PRKCA: variants seen among roughly 807,000 people sequenced by gnomAD.
PRKCA encodes protein kinase C alpha, also known as protein kinase C alpha type.
PRKCA carries 27 observed loss-of-function variants against 87.0 expected under a neutral mutation model. The ratio of observed to expected loss-of-function variants is 0.31; its 90% CI spans 0.23 to 0.43. The LOEUF (loss-of-function observed/expected upper bound fraction) is 0.43. Among genes scored for constraint, PRKCA ranks in the 20% least tolerant of loss-of-function variants. The probability of loss-of-function intolerance (pLI) is 1.00; values close to 1 mark genes in which losing one functional copy is unlikely to be tolerated. For synonymous variants in PRKCA, 329 were observed against 311.1 expected, an observed-to-expected ratio of 1.06 and a Z score of -0.61; for missense variants, 518 against 852.3, an observed-to-expected ratio of 0.61 and a Z score of 4.88.
chr17:66,421,863 CT>C (rs1288601805), intron 2 of PRKCA, among the ~76,000 whole-genome samples: 2 of 151,976 alleles, frequency 1.3e-5, no homozygotes, highest in African/African-American at 4.8e-5. Flanking sequence ...TTTTTCTCTA[CT>C]TTTTCCTTTT....
At position 66,645,455 on chromosome 17, in the gene PRKCA, A is replaced by G. The variant is rs1382662679; in HGVS notation, c.473A>G (p.Lys158Arg). ...CTCTGCGGAATGGATCACACTGAGAAGAGGGGGCGGATTTACCTAAAGGCT... is the reference window on the plus strand; with the variant it reads ...CTCTGCGGAATGGATCACACTGAGAGGAGGGGGCGGATTTACCTAAAGGCT... Reference protein sequence around the residue: ...PSLCGMDHTEKRGRIYLKAEV... With the variant: ...PSLCGMDHTERRGRIYLKAEV... The change falls in exon 5 of 17, where the codon AAG becomes AGG. Residue 158 changes from lysine to arginine, a missense_variant. By Grantham distance (26) the Lys-to-Arg change is conservative (BLOSUM62 2). This residue lies in a region of PRKCA where 300 missense variants were observed against 496.8 expected (regional missense o/e 0.60). Coordinates refer to ENST00000413366, the MANE Select transcript of PRKCA (RefSeq NM_002737.3). 6.8e-6 allele frequency: 11 copies of G among 1,614,088 alleles called. No individual in the cohort carries two copies. The highest frequency in any genetic ancestry group is 9.3e-6 in the Non-Finnish European group (11 of 1,180,038).
In PRKCA at chr17:66,482,968, A is replaced by T. The variant is rs1915847512; in HGVS notation, c.206-13233A>T. On this transcript the variant is annotated intron_variant, in intron 2 of 16. Coordinates refer to ENST00000413366, the MANE Select transcript of PRKCA (RefSeq NM_002737.3). ...TTCTCCCCGTGGAAGTATTCACAGG[A>T]CCCTAATTCATTAGTTTGGTAATAG... 1.3e-5 allele frequency among the ~76,000 whole-genome samples: 2 copies of T among 152,200 alleles called. 1 individual carries two copies. The highest frequency in any genetic ancestry group is 4.1e-4 in the South Asian group (2 of 4,820).
chr17:66,355,312 G>A (rs747773064), intron 2 of PRKCA, among the ~76,000 whole-genome samples: 9 of 152,160 alleles, frequency 5.9e-5, no homozygotes, highest in Admixed American at 1.3e-4. Context: ...CTGATGAAAG[G>A]GAGGTGGTGA....
At chr17:66,474,621 A>C (rs576175676) in intron 2 of PRKCA, among the ~76,000 whole-genome samples, 18 of 152,332 alleles carry the variant, frequency 1.2e-4, no homozygotes, top group African/African-American at 4.1e-4. Context: ...CAGATATTGC[A>C]CTTGCCTGAA....
chr17:66,539,768 G>A (rs549010103), intron 3 of PRKCA, among the ~76,000 whole-genome samples: 30 of 152,242 alleles, frequency 2.0e-4, no homozygotes, highest in African/African-American at 6.3e-4. Context: ...AAACCTCATC[G>A]TACCCAGAGA....
intron 1 of PRKCA, among the ~76,000 whole-genome samples, chr17:66,304,588 G>A (rs1345510519): frequency 1.3e-5 from 2 of 152,192 alleles, no homozygotes; most frequent in Admixed American, 1.3e-4. Flanking sequence ...CCACTAGGGT[G>A]AGCATAGTAT....
intron 13 of PRKCA, among the ~76,000 whole-genome samples, chr17:66,756,230 C>G (rs574311559): frequency 6.6e-6 from 1 of 152,184 alleles, no homozygotes; most frequent in Non-Finnish European, 1.5e-5. Flanking sequence ...ACAAGGGCTT[C>G]CCTCAGGAGA....
chr17:66,775,191 A>G (rs939186730), intron 14 of PRKCA: 25 of 952,248 alleles, frequency 2.6e-5, no homozygotes, highest in Non-Finnish European at 3.0e-5. Flanking sequence ...CCCACATAGG[A>G]CACTTCCGTG....
At chr17:66,314,885 G>C (rs1432349231) in intron 2 of PRKCA, among the ~76,000 whole-genome samples, 1 of 151,348 alleles carries the variant, frequency 6.6e-6, no homozygotes, top group African/African-American at 2.4e-5. Flanking sequence ...ATGTGTGTGT[G>C]TGTGTGTGTG....
intron 16 of PRKCA, chr17:66,796,514 C>T: frequency 1.1e-5 from 11 of 985,298 alleles, no homozygotes; most frequent in Non-Finnish European, 1.3e-5. Flanking sequence ...GTTTCCAGAA[C>T]CTTGGGTGAC....
At chr17:66,557,598 A>G (rs1968539164) in intron 3 of PRKCA, among the ~76,000 whole-genome samples, 1 of 152,174 alleles carries the variant, frequency 6.6e-6, no homozygotes, top group Non-Finnish European at 1.5e-5. Context: ...AATCTGATTC[A>G]TGTTTTATAT....
chr17:66,390,487 G>C (rs892919696), intron 2 of PRKCA, among the ~76,000 whole-genome samples: 4 of 152,138 alleles, frequency 2.6e-5, no homozygotes, highest in Non-Finnish European at 4.4e-5. Flanking sequence ...AAAGAGAAAG[G>C]CCCAGCCATT....
intron 16 of PRKCA, among the ~76,000 whole-genome samples, chr17:66,801,561 C>T (rs1482279634): frequency 6.6e-6 from 1 of 152,120 alleles, no homozygotes; most frequent in Admixed American, 6.6e-5. Flanking sequence ...AACAGCATGC[C>T]CTTATTTATT....
chr17:66,337,190 G>T (rs919544192), intron 2 of PRKCA, among the ~76,000 whole-genome samples: 6 of 152,092 alleles, frequency 3.9e-5, no homozygotes, highest in African/African-American at 9.7e-5. Flanking sequence ...TAGGAAGGGG[G>T]CAGGCAGGGA....
At chr17:66,513,201 G>A (rs1917322399) in intron 3 of PRKCA, among the ~76,000 whole-genome samples, 1 of 152,196 alleles carries the variant, frequency 6.6e-6, no homozygotes, top group African/African-American at 2.4e-5. Flanking sequence ...CTGGATGAGT[G>A]AATGCATTTT....
chr17:66,576,518 C>T (rs1267001974), intron 3 of PRKCA, among the ~76,000 whole-genome samples: 2 of 152,354 alleles, frequency 1.3e-5, no homozygotes, highest in East Asian at 3.9e-4. Context: ...CTCTTTACTG[C>T]AGCATGTAAT....
At chr17:66,511,355 A>G (rs1302073894) in intron 3 of PRKCA, among the ~76,000 whole-genome samples, 5 of 152,328 alleles carry the variant, frequency 3.3e-5, no homozygotes, top group Admixed American at 1.3e-4. Flanking sequence ...TTAATCACAA[A>G]AGACCAAGGA....
At position 66,809,739 on chromosome 17, in the gene PRKCA, T is replaced by A. The variant is rs941992077; in HGVS notation, c.*5702T>A. On this transcript the variant is annotated 3_prime_UTR_variant, in exon 17 of 17. Transcript: ENST00000413366. ...AGACACTGGGGACAACTGCTTAAGGTTTAGAAACTTCCAAACCACAGGAAA... is the reference window on the plus strand; with the variant it reads ...AGACACTGGGGACAACTGCTTAAGGATTAGAAACTTCCAAACCACAGGAAA... 1 of 152,052 alleles carries A rather than the reference T, an allele frequency of 6.6e-6. No homozygotes were observed. Among genetic ancestry groups the A allele is most frequent in the African/African-American group, 2.4e-5 (1 of 41,390 alleles). 9.4% of individuals were successfully genotyped at this position (152,052 alleles called of 1,614,324 possible).
At chr17:66,763,181 T>A (rs1414941852) in intron 13 of PRKCA, among the ~76,000 whole-genome samples, 1 of 152,216 alleles carries the variant, frequency 6.6e-6, no homozygotes, top group Non-Finnish European at 1.5e-5. Flanking sequence ...GTAGGCAGTG[T>A]CTATGGAGTG....
Sources: gnomAD v4.1 joint callset for allele counts (sites outside exome capture counted in the v4.1 genomes callset) on GRCh38, gnomAD v4.1.1 for gene constraint, gnomAD v4.1.1 regional missense constraint, MANE v1.5 for transcripts, NCBI Gene and HGNC (gene_info 2026-07-23, HGNC 2026-07-21) for gene names.